The following TRMT112 variants were observed in gnomAD, a reference collection of about 807,000 sequenced individuals.
TRMT112 encodes the protein tRNA methyltransferase activator subunit 11-2, also known as multifunctional methyltransferase subunit TRM112-like protein.
Under a neutral mutation model 13.8 loss-of-function variants are expected in TRMT112, and 9 were observed. The observed-to-expected ratio is 0.65, with a 90% CI of 0.39 to 1.14. TRMT112 has a LOEUF of 1.14. Among genes scored for constraint, TRMT112 ranks in the 50% most tolerant of loss-of-function variants. TRMT112 has a pLI of 0.01. For missense variants in TRMT112, 196 were observed against 165.5 expected (o/e 1.18, Z -1.01); for synonymous variants, 64 against 67.0 (o/e 0.96, Z 0.22).
At chr11:64,318,458 A>T (rs929596894), upstream of TRMT112, 36 of 1,522,788 alleles carry the variant, frequency 2.4e-5, 1 homozygote, top group Non-Finnish European at 3.2e-5. Flanking sequence ...CTAGTCTGAG[A>T]GTATCGCTTT....
chr11:64,318,325 A>C (rs1233463745), upstream of TRMT112: 5 of 1,612,588 alleles, frequency 3.1e-6, no homozygotes, highest in South Asian at 5.5e-5. Flanking sequence ...AGTGAAGGAG[A>C]GTGGGCGTCT....
rs550258200 is a variant in TRMT112 at position 64,317,368 on chromosome 11, G to A, written c.79-3C>T. 2.5e-6 allele frequency: 4 copies of A among 1,614,154 alleles called. No homozygotes were observed. Among genetic ancestry groups the A allele is most frequent in the East Asian group, 2.2e-5 (1 of 44,888 alleles). On this transcript the variant is annotated splice_polypyrimidine_tract_variant and splice_region_variant and intron_variant, in intron 1 of 3. Transcript: ENST00000544844. Reference sequence around the variant, plus strand: ...GGGCAGATACGGACCTCGGTGGCCTGCAGGGCGGAGGAGTTTAGGCAAGCA... The same window carrying A: ...GGGCAGATACGGACCTCGGTGGCCTACAGGGCGGAGGAGTTTAGGCAAGCA...
chr11:64,318,424 A>G (rs1309807835), upstream of TRMT112: 2 of 1,570,180 alleles, frequency 1.3e-6, no homozygotes, highest in Non-Finnish European at 8.6e-7. Context: ...ATCCCCCACT[A>G]CCCCCATGGC....
chr11:64,317,519 A>C lies in TRMT112; in HGVS notation c.8T>G (p.Leu3Arg), dbSNP rs1228275112. 1 of 1,574,778 alleles carries C rather than the reference A, an allele frequency of 6.4e-7. No homozygotes were observed. The highest frequency in any genetic ancestry group is 1.8e-5 in the Admixed American group (1 of 55,262). ...CGAGCTCAGCAGATTGTGGGTAAGCAGTTTCATGTCGCCGCACAAACTCTC... is the reference window on the plus strand; with the variant it reads ...CGAGCTCAGCAGATTGTGGGTAAGCCGTTTCATGTCGCCGCACAAACTCTC... Reference protein sequence around the residue: MKLLTHNLLSSHV... With the variant: MKRLTHNLLSSHV... Residue 3 changes from leucine (L) to arginine (R), a missense_variant, in exon 1 of 4, where the codon CTG (leucine) becomes CGG (arginine). Transcript: ENST00000544844.
chr11:64,317,981 C>T, upstream of TRMT112: 4 of 1,404,256 alleles, frequency 2.8e-6, no homozygotes, highest in South Asian at 1.5e-5. Flanking sequence ...TGCAAATTAG[C>T]TGCTCCAGTG....
intron 3 of TRMT112, 35 bp downstream of exon 3, chr11:64,317,023 G>C: frequency 6.2e-7 from 1 of 1,613,664 alleles, no homozygotes; most frequent in South Asian, 1.1e-5. Flanking sequence ...CGGGAGGCAG[G>C]TGGCCCGGGA....
upstream of TRMT112, chr11:64,317,824 C>T: frequency 1.2e-6 from 1 of 846,678 alleles, no homozygotes; most frequent in Non-Finnish European, 1.7e-6. Context: ...TGCAGGAGCT[C>T]TCGTTGAATG....
chr11:64,317,641 G>T, upstream of TRMT112: 1 of 1,100,220 alleles, frequency 9.1e-7, no homozygotes, highest in Non-Finnish European at 1.3e-6. Context: ...CGGAAGTGGC[G>T]AACTTGCTGG....
At chr11:64,318,160 C>T (rs553564429), upstream of TRMT112, 44 of 1,603,508 alleles carry the variant, frequency 2.7e-5, no homozygotes, top group Non-Finnish European at 3.6e-5. Flanking sequence ...AGCGGTGCCC[C>T]GCCTGCTGCG....
At position 64,316,910 on chromosome 11, in the gene TRMT112, C is replaced by G; in HGVS notation, c.329G>C (p.Ser110Thr). The G allele has an allele frequency of 6.2e-7, 1 of 1,611,968 alleles. No individual in the cohort carries two copies. The highest frequency in any genetic ancestry group is 8.5e-7 in the Non-Finnish European group (1 of 1,178,694). ...CPESGRMFPISRGIPNMLLSE... is the reference protein window; with the variant it reads ...CPESGRMFPITRGIPNMLLSE... ...CAGCAGCATGTTGGGGATCCCGCGGCTGATGGGGAACATACGTCCAGATTC... is the reference window on the plus strand; with the variant it reads ...CAGCAGCATGTTGGGGATCCCGCGGGTGATGGGGAACATACGTCCAGATTC... The change falls in exon 4 of 4, where the codon AGC becomes ACC. Residue 110 changes from serine (S) to threonine (T), a missense_variant. Ser to Thr is a moderately conservative substitution (Grantham distance 58, BLOSUM62 1). Transcript: ENST00000544844.
chr11:64,318,055 G>C, upstream of TRMT112: 1 of 1,436,076 alleles, frequency 7.0e-7, no homozygotes, highest in Non-Finnish European at 9.1e-7. Context: ...ACGAGGCGTG[G>C]GTCCCGGAAG....
Position 64,317,512 on chromosome 11 carries a change from G to T in TRMT112, c.15C>A (p.Thr5=). 1 of 1,584,088 alleles carries T rather than the reference G, an allele frequency of 6.3e-7. No homozygotes were observed. Among genetic ancestry groups the T allele is most frequent in the Non-Finnish European group, 8.6e-7 (1 of 1,160,672 alleles). MKLL[T]HNLLSSHVRG... ...GCACATGCGAGCTCAGCAGATTGTGGGTAAGCAGTTTCATGTCGCCGCACA... is the reference window on the plus strand; with the variant it reads ...GCACATGCGAGCTCAGCAGATTGTGTGTAAGCAGTTTCATGTCGCCGCACA... The change falls in exon 1 of 4, where the codon ACC becomes ACA. Residue 5 remains threonine, a synonymous_variant. Transcript: ENST00000544844.
chr11:64,318,286 A>C, upstream of TRMT112: 1 of 1,612,470 alleles, frequency 6.2e-7, no homozygotes, highest in Non-Finnish European at 8.5e-7. Flanking sequence ...GCCGGCGGTC[A>C]GTCTGCGGCA....
upstream of TRMT112, chr11:64,317,938 C>A: frequency 1.5e-6 from 2 of 1,378,912 alleles, no homozygotes; most frequent in South Asian, 1.6e-5. Context: ...GTAAATTAGG[C>A]CCATGGAAGC....
upstream of TRMT112, chr11:64,317,978 T>G: frequency 2.9e-6 from 4 of 1,402,292 alleles, no homozygotes; most frequent in South Asian, 1.5e-5. Context: ...ATATGCAAAT[T>G]AGCTGCTCCA....
rs1591248674 is a variant in TRMT112, at chr11:64,316,652, ACT to A, written c.*207_*208del. 5.3e-6 allele frequency: 3 copies of A among 570,964 alleles called. No homozygotes were observed. The highest frequency in any genetic ancestry group is 9.5e-6 in the Non-Finnish European group (3 of 314,252). The allele number at this position is 570,964 out of a possible 1,614,324, so 35.4% of individuals were successfully genotyped here. ...GCCCAGAGCCCTTGGCTGTACAGAG[ACT>A]CTATTTTAATGTATATTTGCTGCAA... On this transcript the variant is annotated 3_prime_UTR_variant, in exon 4 of 4. Coordinates refer to ENST00000544844, the MANE Select transcript of TRMT112 (RefSeq NM_016404.3).
rs1188293022 is a variant in TRMT112 at position 64,317,454 on chromosome 11, G to A, written c.73C>T (p.Leu25Phe). Reference protein sequence around the residue: ...GVGSRGFPLRLQATEVRICPV... With the variant: ...GVGSRGFPLRFQATEVRICPV... ...AGACTGCCGCCGGCGGGTACCTGGA[G>A]GCGCAGGGGGAAGCCACGGGACCCC... Residue 25 changes from leucine to phenylalanine, a missense_variant, in exon 1 of 4, where the codon CTC becomes TTC. By Grantham distance (22) the Leu-to-Phe change is conservative. Coordinates refer to ENST00000544844, the MANE Select transcript of TRMT112 (RefSeq NM_016404.3). 2.5e-6 allele frequency: 4 copies of A among 1,611,236 alleles called. No homozygotes were observed. Among genetic ancestry groups the A allele is most frequent in the Non-Finnish European group, 3.4e-6 (4 of 1,178,620 alleles).
rs1180683934 is a variant in TRMT112, at chr11:64,316,484, G to A, written c.*377C>T. 1 of 222,934 alleles carries A rather than the reference G, an allele frequency of 4.5e-6. No individual in the cohort carries two copies. Among genetic ancestry groups the A allele is most frequent in the Non-Finnish European group, 9.1e-6 (1 of 109,608 alleles). 13.8% of individuals were successfully genotyped at this position (222,934 alleles called of 1,614,324 possible). A position where few individuals can be genotyped will look rare whatever the true frequency, so the allele number is the denominator to read the frequency against. ...AGCAGACTCCAGCCCCTGGACCCCTGGGGTGGCCAGGGCTTCCCCATCAGC... is the reference window on the plus strand; with the variant it reads ...AGCAGACTCCAGCCCCTGGACCCCTAGGGTGGCCAGGGCTTCCCCATCAGC... On this transcript the variant is annotated 3_prime_UTR_variant, in exon 4 of 4. Transcript: ENST00000544844.
rs764053201 is a variant in TRMT112, at chr11:64,317,081, T to A, written c.247A>T (p.Thr83Ser). The change falls in exon 3 of 4, where the codon ACC becomes TCC. Residue 83 changes from threonine (T) to serine (S), a missense_variant. Transcript: ENST00000544844. Reference sequence around the variant, plus strand: ...ACCTCCAGCAGCAGGTGGTGCATGGTCCTCAGAAACTCCTCATTCTCCTCA... The same window carrying A: ...ACCTCCAGCAGCAGGTGGTGCATGGACCTCAGAAACTCCTCATTCTCCTCA... ...GYEENEEFLRTMHHLLLEVEV... is the reference protein window; with the variant it reads ...GYEENEEFLRSMHHLLLEVEV... The A allele has an allele frequency of 1.5e-5, 25 of 1,614,008 alleles. No individual in the cohort carries two copies. The highest frequency in any genetic ancestry group is 1.2e-4 in the Admixed American group (7 of 59,994).
Sources: allele counts gnomAD v4.1 joint callset, GRCh38; gene constraint gnomAD v4.1.1; transcripts MANE v1.5; gene names NCBI Gene and HGNC (gene_info 2026-07-23, HGNC 2026-07-21).